Variants in EEPD1 observed in about 807,000 individuals in gnomAD.
EEPD1 encodes the protein endonuclease/exonuclease/phosphatase family domain-containing protein 1.
A neutral mutation model predicts 46.3 loss-of-function variants in EEPD1; 17 were observed. The ratio of observed to expected loss-of-function variants is 0.37; its 90% confidence interval spans 0.25 to 0.55. The LOEUF (loss-of-function observed/expected upper bound fraction) is 0.55. EEPD1 is among the 20% of genes least tolerant of loss of function. The pLI, the probability that EEPD1 is intolerant of heterozygous loss-of-function variation, is 0.83. For synonymous variants in EEPD1, 313 were observed against 315.6 expected (o/e 0.99, Z 0.09); for missense variants, 673 against 745.6 (o/e 0.90, Z 1.13).
intron 2 of EEPD1, among the ~76,000 whole-genome samples, chr7:36,156,309 G>T (rs769476149): frequency 6.6e-6 from 1 of 152,126 alleles, no homozygotes; most frequent in Non-Finnish European, 1.5e-5. Flanking sequence ...TGACCCAGTG[G>T]CATGCTCTCA....
chr7:36,288,966 A>G (rs185469425), intron 6 of EEPD1, among the ~76,000 whole-genome samples: 5 of 152,318 alleles, frequency 3.3e-5, no homozygotes, highest in South Asian at 4.1e-4. Context: ...ATTCTCTTCT[A>G]TCTTTTGAGT....
intron 2 of EEPD1, among the ~76,000 whole-genome samples, chr7:36,175,439 C>T (rs902456113): frequency 6.6e-6 from 1 of 151,980 alleles, no homozygotes; most frequent in African/African-American, 2.4e-5. Context: ...ACCATGTTGC[C>T]CTGGCTGGTC....
intron 6 of EEPD1, among the ~76,000 whole-genome samples, chr7:36,291,023 AG>A (rs1787422040): frequency 6.6e-6 from 1 of 152,242 alleles, no homozygotes; most frequent in Admixed American, 6.5e-5. Flanking sequence ...TCATTCAAAA[AG>A]GGAACCGTTG....
At chr7:36,235,750 T>C (rs1157995804) in intron 2 of EEPD1, among the ~76,000 whole-genome samples, 1 of 152,268 alleles carries the variant, frequency 6.6e-6, no homozygotes, top group Non-Finnish European at 1.5e-5. Flanking sequence ...CTTCTGAATG[T>C]ATTCAAATTC....
chr7:36,158,396 C>G (rs955570727), intron 2 of EEPD1, among the ~76,000 whole-genome samples: 1 of 152,052 alleles, frequency 6.6e-6, no homozygotes, highest in Non-Finnish European at 1.5e-5. Flanking sequence ...TTAAAGATAC[C>G]CTTAGGCAGT....
At chr7:36,293,145 G>T (rs948150609) in intron 6 of EEPD1, among the ~76,000 whole-genome samples, 1 of 152,032 alleles carries the variant, frequency 6.6e-6, no homozygotes, top group Admixed American at 6.6e-5. Flanking sequence ...ATAAAACAAA[G>T]ATCCCATTCA....
At chr7:36,271,884 GTATTCTATTCTA>G (rs1787111039) in intron 3 of EEPD1, among the ~76,000 whole-genome samples, 1 of 10,066 alleles carries the variant, frequency 9.9e-5, no homozygotes, top group South Asian at 2.6e-3. Flanking sequence ...CTATTCTATT[GTATTCTATTCTA>G]TTCGAGACAG....
intron 2 of EEPD1, among the ~76,000 whole-genome samples, chr7:36,220,586 C>G (rs1313324816): frequency 6.6e-6 from 1 of 152,186 alleles, no homozygotes; most frequent in Non-Finnish European, 1.5e-5. Context: ...GCAAATGGCA[C>G]TTTGCTCTTT....
chr7:36,258,076 C>T (rs1048052810), intron 3 of EEPD1, among the ~76,000 whole-genome samples: 13 of 152,148 alleles, frequency 8.5e-5, no homozygotes, highest in African/African-American at 3.1e-4. Flanking sequence ...CTTGTAATGT[C>T]AGGCCCCTCT....
chr7:36,230,056 C>T (rs1786296150), intron 2 of EEPD1, among the ~76,000 whole-genome samples: 1 of 152,070 alleles, frequency 6.6e-6, no homozygotes, highest in Non-Finnish European at 1.5e-5. Context: ...TGCTTGGCTC[C>T]CTAAGTAGAT....
In EEPD1 at chr7:36,284,707, C is replaced by T; in HGVS notation, c.1063C>T (p.Leu355=). Residue 355 remains leucine, a synonymous_variant, in exon 5 of 8, where the codon CTA becomes TTA. Transcript: ENST00000242108. ...LQKGAGYAGF[L]WDAAAGMELR... ...GCAGGGAGCTGGGTATGCAGGATTC[C>T]TATGGGACGCGGCTGCCGGCATGGA... The T allele has an allele frequency of 6.2e-7, 1 of 1,612,260 alleles. No homozygotes were observed. Among genetic ancestry groups the T allele is most frequent in the Non-Finnish European group, 8.5e-7 (1 of 1,179,156 alleles).
At position 36,225,790 on chromosome 7, in the gene EEPD1, C is replaced by T. The variant is rs535459834; in HGVS notation, c.879-13195C>T. Among the ~76,000 whole-genome samples, 50 of 152,280 alleles carry T rather than the reference C, an allele frequency of 3.3e-4. No individual in the cohort carries two copies. The South Asian group carries it at 9.9e-3, about 30-fold the overall frequency. On this transcript the variant is annotated intron_variant, in intron 2 of 7. Coordinates refer to ENST00000242108, the MANE Select transcript of EEPD1 (RefSeq NM_030636.3). The surrounding 1 kb of genome is among the most constrained non-coding windows in gnomAD (Gnocchi z 4.2). The stretch of plus-strand genomic sequence containing the variant: ...ATCAAGTAAGTTTATGAACCCTCTA[C>T]AAAATTTGGGGGTTATGTAGCAACC...
intron 3 of EEPD1, among the ~76,000 whole-genome samples, chr7:36,248,198 AC>A (rs1324858403): frequency 1.3e-5 from 2 of 151,006 alleles, no homozygotes; most frequent in African/African-American, 4.9e-5. Context: ...AAATATATAT[AC>A]TTTAAGATAC....
At position 36,193,319 on chromosome 7, in the gene EEPD1, C is replaced by CAGA. The variant is rs1785513985; in HGVS notation, c.878+38120_878+38122dup. 6.6e-6 allele frequency among the ~76,000 whole-genome samples: 1 copy of CAGA among 152,042 alleles called. No individual in the cohort carries two copies. The highest frequency in any genetic ancestry group is 2.4e-5 in the African/African-American group (1 of 41,382). On this transcript the variant is annotated intron_variant, in intron 2 of 7. Transcript: ENST00000242108. The surrounding 1 kb of genome is among the most constrained non-coding windows in gnomAD (Gnocchi z 4.9). ...CAGAGTTCCCGAGAGGGAGAGTGTG[C>CAGA]AGAAGCCTGGAGCCTGGAGAGGGGA...
Position 36,299,194 on chromosome 7 carries a change from G to A in EEPD1, c.1698G>A (p.Lys566=). 9 of 1,614,058 alleles carry A rather than the reference G, an allele frequency of 5.6e-6. No homozygotes were observed. Among genetic ancestry groups the A allele is most frequent in the Non-Finnish European group, 7.6e-6 (9 of 1,179,938 alleles). ...VALERSEANI[K]HER The stretch of plus-strand genomic sequence containing the variant: ...TGGAGCGAAGTGAAGCCAACATCAA[G>A]CACGAGCGATGATGACACCAAATCC... The change falls in exon 8 of 8, where the codon AAG becomes AAA. Residue 566 remains lysine (K), a synonymous_variant. Transcript: ENST00000242108.
At chr7:36,208,211 G>C (rs747481020) in intron 2 of EEPD1, among the ~76,000 whole-genome samples, 5 of 152,134 alleles carry the variant, frequency 3.3e-5, no homozygotes, top group Non-Finnish European at 5.9e-5. Flanking sequence ...GGATGGGGGT[G>C]GGGTAGGCAG....
At chr7:36,195,679 T>C (rs1166233532) in intron 2 of EEPD1, among the ~76,000 whole-genome samples, 1 of 152,140 alleles carries the variant, frequency 6.6e-6, no homozygotes, top group African/African-American at 2.4e-5. Context: ...AGGAGATCTC[T>C]TGTACTTCAT....
intron 3 of EEPD1, among the ~76,000 whole-genome samples, chr7:36,267,284 T>G (rs1787036747): frequency 6.6e-6 from 1 of 152,202 alleles, no homozygotes; most frequent in African/African-American, 2.4e-5. Context: ...TTAGGATTGC[T>G]CAAGGGATAA....
intron 3 of EEPD1, among the ~76,000 whole-genome samples, chr7:36,274,858 A>G (rs1198091683): frequency 6.6e-6 from 1 of 152,142 alleles, no homozygotes; most frequent in African/African-American, 2.4e-5. Flanking sequence ...TACCGTTCAC[A>G]TTTCTAAAAA....
Sources: allele counts gnomAD v4.1 joint callset (sites outside exome capture counted in the v4.1 genomes callset), GRCh38; gene constraint gnomAD v4.1.1; non-coding constraint Gnocchi (gnomAD v3.1); transcripts MANE v1.5; gene names NCBI Gene and HGNC (gene_info 2026-07-23, HGNC 2026-07-21).